ALK: variants seen among roughly 807,000 people sequenced by gnomAD.
ALK encodes the protein ALK receptor tyrosine kinase.
In ALK, 74 loss-of-function variants were observed where a neutral mutation model predicts 163.1. The ratio of observed to expected loss-of-function variants is 0.45; its 90% CI spans 0.38 to 0.55. The LOEUF is 0.55. Among genes scored for constraint, ALK ranks in the 20% least tolerant of loss-of-function variants. The pLI is 0.00. For synonymous variants in ALK, 960 were observed against 843.2 expected, an observed-to-expected ratio of 1.14 and a Z score of -2.40; for missense variants, 2,063 against 2,105.3, an observed-to-expected ratio of 0.98 and a Z score of 0.39.
intron 4 of ALK, among the ~76,000 whole-genome samples, chr2:29,462,245 T>A (rs1285035202): frequency 1.3e-5 from 2 of 152,188 alleles, no homozygotes; most frequent in Non-Finnish European, 2.9e-5. Context: ...TTTAAAATAT[T>A]TCATAAACTT....
chr2:29,417,714 C>T (rs1393965368), intron 4 of ALK, among the ~76,000 whole-genome samples: 1 of 152,212 alleles, frequency 6.6e-6, no homozygotes, highest in Non-Finnish European at 1.5e-5. Context: ...ATAAAAAACC[C>T]AGATATTACA....
intron 1 of ALK, among the ~76,000 whole-genome samples, chr2:29,775,995 T>G (rs928937766): frequency 1.3e-5 from 2 of 152,186 alleles, no homozygotes; most frequent in Non-Finnish European, 2.9e-5. Flanking sequence ...AAGGCAGTGA[T>G]GGAGAGAGAC....
intron 3 of ALK, among the ~76,000 whole-genome samples, chr2:29,662,499 C>T (rs1037345090): frequency 6.6e-6 from 1 of 152,084 alleles, no homozygotes; most frequent in East Asian, 1.9e-4. Context: ...TATTGCAAGG[C>T]CATTTGTGTG....
chr2:29,764,434 A>C (rs1333660039), intron 1 of ALK, among the ~76,000 whole-genome samples: 1 of 152,226 alleles, frequency 6.6e-6, no homozygotes, highest in Non-Finnish European at 1.5e-5. Context: ...TTTACACCAC[A>C]AATATCAGTG....
chr2:29,432,514 A>G (rs1436017355), intron 4 of ALK, among the ~76,000 whole-genome samples: 1 of 152,164 alleles, frequency 6.6e-6, no homozygotes, highest in Non-Finnish European at 1.5e-5. Flanking sequence ...CGTCTTAGGT[A>G]TCACTTATAG....
chr2:29,578,453 G>C (rs1038159010), intron 3 of ALK, among the ~76,000 whole-genome samples: 1 of 152,202 alleles, frequency 6.6e-6, no homozygotes, highest in Non-Finnish European at 1.5e-5. Context: ...ACTCCAGGCT[G>C]TTAATAGAAT....
At chr2:29,737,109 A>G (rs1269521242) in intron 1 of ALK, among the ~76,000 whole-genome samples, 1 of 152,128 alleles carries the variant, frequency 6.6e-6, no homozygotes, top group African/African-American at 2.4e-5. Context: ...GTTGATGTAG[A>G]AGTATTTTTT....
chr2:29,675,029 A>G (rs1298250574), intron 3 of ALK, among the ~76,000 whole-genome samples: 2 of 151,250 alleles, frequency 1.3e-5, no homozygotes, highest in Admixed American at 1.3e-4. Context: ...TATCCCCTTT[A>G]TCATTTTTTA....
intron 3 of ALK, among the ~76,000 whole-genome samples, chr2:29,570,510 G>A (rs1353910557): frequency 2.0e-5 from 3 of 152,204 alleles, no homozygotes; most frequent in African/African-American, 7.2e-5. Context: ...ATTCTGGATT[G>A]TGAGGGATTG....
intron 3 of ALK, among the ~76,000 whole-genome samples, chr2:29,600,065 A>G (rs1415643920): frequency 6.6e-6 from 1 of 152,184 alleles, no homozygotes; most frequent in Non-Finnish European, 1.5e-5. Context: ...TCAGATCCAC[A>G]TCACCCATCC....
rs373377567 is a variant in ALK at position 29,391,107 on chromosome 2, T to C, written c.1155-7248A>G. On this transcript the variant is annotated intron_variant, in intron 4 of 28. Coordinates refer to ENST00000389048, the MANE Select transcript of ALK (RefSeq NM_004304.5). ...GGCTGCAGGCCTGCTTGTTGAGACC[T>C]TAGCATTGTCAGCTGTAAAGCAGTT... Among the ~76,000 whole-genome samples the C allele has an allele frequency of 1.2e-4, 18 of 152,316 alleles. 1 individual carries two copies. Among genetic ancestry groups the C allele is most frequent in the African/African-American group, 4.1e-4 (17 of 41,572 alleles).
intron 4 of ALK, among the ~76,000 whole-genome samples, chr2:29,436,271 C>A (rs1288609078): frequency 6.6e-6 from 1 of 152,130 alleles, no homozygotes; most frequent in Non-Finnish European, 1.5e-5. Flanking sequence ...AAAATTCTTA[C>A]TGATAAATGT....
intron 2 of ALK, among the ~76,000 whole-genome samples, chr2:29,698,103 T>C (rs1055662789): frequency 6.6e-6 from 1 of 152,182 alleles, no homozygotes; most frequent in African/African-American, 2.4e-5. Flanking sequence ...CTTTCACGAT[T>C]CAGACAACTT....
chr2:29,691,795 A>C (rs990938237), intron 3 of ALK, among the ~76,000 whole-genome samples: 1 of 152,154 alleles, frequency 6.6e-6, no homozygotes, highest in African/African-American at 2.4e-5. Flanking sequence ...GAAATGTACA[A>C]TTTATTGGCA....
chr2:29,338,227 G>T lies in ALK; in HGVS notation c.1283-9746C>A, dbSNP rs1667683620. On this transcript the variant is annotated intron_variant, in intron 5 of 28. Coordinates refer to ENST00000389048, the MANE Select transcript of ALK (RefSeq NM_004304.5). ...CAGCAAAACAATAACTGAAACAAAT[G>T]CAAGAGTCATTTCCAACATAAATAA... 2.0e-5 allele frequency among the ~76,000 whole-genome samples: 3 copies of T among 152,164 alleles called. No individual in the cohort carries two copies. In the South Asian group the frequency reaches 6.2e-4, roughly 32 times the overall value.
rs201374709 is a variant in ALK, at chr2:29,761,844, TAGA to T, written c.668-44150_668-44148del. Among the ~76,000 whole-genome samples the T allele has an allele frequency of 4.0e-3, 607 of 152,310 alleles. 3 individuals are homozygous for T. The highest frequency in any genetic ancestry group is 0.014 in the African/African-American group (565 of 41,562). ...GGTTCCAGTAACGAGTCCAGAAGCT[TAGA>T]AGGACTCCAAGCCGGAGGCAAGGAG... On this transcript the variant is annotated intron_variant, in intron 1 of 28. Coordinates refer to ENST00000389048, the MANE Select transcript of ALK (RefSeq NM_004304.5).
At chr2:29,239,859 CG>C in intron 12 of ALK, 29 bp from the exon 13 acceptor site, 2 of 1,608,208 alleles carry the variant, frequency 1.2e-6, no homozygotes, top group Non-Finnish European at 1.7e-6. Flanking sequence ...CGTTGGCTCC[CG>C]CTGTGGTATG....
intron 26 of ALK, among the ~76,000 whole-genome samples, chr2:29,205,387 T>C (rs759448870): frequency 6.6e-6 from 1 of 151,970 alleles, no homozygotes; most frequent in Non-Finnish European, 1.5e-5. Context: ...TTTCACTAGC[T>C]GTAATTTTCT....
chr2:29,776,549 G>A (rs1681182244), intron 1 of ALK, among the ~76,000 whole-genome samples: 1 of 152,146 alleles, frequency 6.6e-6, no homozygotes, highest in South Asian at 2.1e-4. Context: ...AAATGATGGT[G>A]GTTGAATGTA....
Sources: gnomAD v4.1 joint callset for allele counts (sites outside exome capture counted in the v4.1 genomes callset) on GRCh38, gnomAD v4.1.1 for gene constraint, MANE v1.5 for transcripts, NCBI Gene and HGNC (gene_info 2026-07-23, HGNC 2026-07-21) for gene names.